The following FSHR variants were observed in gnomAD, a reference collection of about 807,000 sequenced individuals.
The protein encoded by FSHR is follicle-stimulating hormone receptor.
FSHR carries 46 observed loss-of-function variants against 52.1 expected under a neutral mutation model. That is an observed-to-expected ratio of 0.88 (90% CI 0.70 to 1.13). FSHR has a LOEUF of 1.13. Ranked by LOEUF, FSHR falls within the 50% of genes most tolerant of loss-of-function variation. The pLI is 0.00. For synonymous variants in FSHR, 399 were observed against 309.6 expected (o/e 1.29, Z -3.03); for missense variants, 964 against 834.6 (o/e 1.16, Z -1.91).
intron 2 of FSHR, among the ~76,000 whole-genome samples, chr2:49,043,656 TA>T: frequency 6.6e-6 from 1 of 152,222 alleles, no homozygotes; most frequent in African/African-American, 2.4e-5. Context: ...GGGTGGGGCA[TA>T]AAAAAACCAA....
intron 2 of FSHR, among the ~76,000 whole-genome samples, chr2:49,063,885 T>C (rs377125083): frequency 6.6e-6 from 1 of 152,192 alleles, no homozygotes; most frequent in Non-Finnish European, 1.5e-5. Context: ...TTAATTACCC[T>C]GATTTGATCA....
In FSHR at chr2:49,104,109, C is replaced by T. The variant is rs191681068; in HGVS notation, c.153-35819G>A. Among the ~76,000 whole-genome samples, 12 of 152,052 alleles carry T rather than the reference C, an allele frequency of 7.9e-5. No individual in the cohort carries two copies. In the East Asian group the frequency reaches 2.3e-3, roughly 29 times the overall value. On this transcript the variant is annotated intron_variant, in intron 1 of 9. Transcript: ENST00000406846. Reference sequence around the variant, plus strand: ...GAGTATAGGAAAGGTCATTATCTAGCAAACTCTTACCTGGAGGAAGATTAG... The same window carrying T: ...GAGTATAGGAAAGGTCATTATCTAGTAAACTCTTACCTGGAGGAAGATTAG...
intron 1 of FSHR, among the ~76,000 whole-genome samples, chr2:49,075,120 CT>C (rs1669899987): frequency 5.3e-5 from 8 of 152,022 alleles, no homozygotes; most frequent in Admixed American, 5.2e-4. Flanking sequence ...CTCTAGTGTT[CT>C]ATATCACTGT....
At chr2:49,136,351 GGAGA>G in intron 1 of FSHR, among the ~76,000 whole-genome samples, 2 of 152,154 alleles carry the variant, frequency 1.3e-5, no homozygotes, top group Middle Eastern at 6.8e-3. Context: ...TGTGTCAACT[GGAGA>G]GATTAGAATT....
At chr2:49,094,479 A>G (rs1440514051) in intron 1 of FSHR, among the ~76,000 whole-genome samples, 1 of 152,162 alleles carries the variant, frequency 6.6e-6, no homozygotes, top group African/African-American at 2.4e-5. Context: ...ATTTTTCTTC[A>G]GGATTTCCCA....
At chr2:49,060,572 C>A (rs964705557) in intron 2 of FSHR, among the ~76,000 whole-genome samples, 1 of 152,150 alleles carries the variant, frequency 6.6e-6, no homozygotes, top group Non-Finnish European at 1.5e-5. Context: ...CAGGCCTGAG[C>A]TGAAGTGGCA....
intron 2 of FSHR, among the ~76,000 whole-genome samples, chr2:49,059,922 C>T (rs1187786206): frequency 6.6e-6 from 1 of 152,108 alleles, no homozygotes; most frequent in South Asian, 2.1e-4. Flanking sequence ...GAAAAGACAA[C>T]CACAGAATGG....
intron 2 of FSHR, among the ~76,000 whole-genome samples, chr2:49,042,332 A>T (rs17038116): frequency 6.6e-6 from 1 of 152,030 alleles, no homozygotes; most frequent in Non-Finnish European, 1.5e-5. Flanking sequence ...ACCAAACCAG[A>T]CTAGATAACA....
intron 1 of FSHR, among the ~76,000 whole-genome samples, chr2:49,116,665 T>G (rs1263730329): frequency 6.6e-6 from 1 of 152,184 alleles, no homozygotes; most frequent in Non-Finnish European, 1.5e-5. Flanking sequence ...GCCAATAGCT[T>G]TTTATGTACC....
chr2:49,013,764 G>A (rs1481228659), intron 4 of FSHR, among the ~76,000 whole-genome samples: 1 of 151,666 alleles, frequency 6.6e-6, no homozygotes, highest in Non-Finnish European at 1.5e-5. Flanking sequence ...TAACTGCAAT[G>A]AATTGAACGT....
intron 4 of FSHR, among the ~76,000 whole-genome samples, chr2:49,006,907 C>T (rs1667093664): frequency 6.6e-6 from 1 of 152,136 alleles, no homozygotes; most frequent in Admixed American, 6.6e-5. Flanking sequence ...CCATCACCAC[C>T]TGACATTATC....
rs1238476600 is a variant in FSHR, at chr2:48,963,594, GA to G, written c.1226del (p.Leu409ProfsTer52). 1 of 1,614,198 alleles carries G rather than the reference GA, an allele frequency of 6.2e-7. No individual in the cohort carries two copies. The highest frequency in any genetic ancestry group is 1.7e-5 in the Admixed American group (1 of 60,028). ...TGAGCAGCAGGTAGATTCCAATGCA[GA>G]GATCAGCAAAGGCCAGGTTGCACAT... ...FLMCNLAFAD[L>X]CIGIYLLLIA... On this transcript the variant is annotated frameshift_variant, in exon 10 of 10. Transcript: ENST00000406846. LOFTEE classifies it high-confidence loss of function.
chr2:48,963,432 G>A lies in FSHR; in HGVS notation c.1389C>T (p.Ile463=). 1.2e-6 allele frequency: 2 copies of A among 1,614,164 alleles called. No homozygotes were observed. The highest frequency in any genetic ancestry group is 1.7e-6 in the Non-Finnish European group (2 of 1,180,014). ...TGATGGTATGCCATCTTTCCAAGGT[G>A]ATAGCTGTCAGAGTGTAGACTGACA... ...SELSVYTLTA[I]TLERWHTITH... is the part of the protein sequence containing the mutation. Residue 463 remains isoleucine, a synonymous_variant, in exon 10 of 10, where the codon ATC becomes ATT. Transcript: ENST00000406846.
chr2:49,000,770 A>T (rs1307024987), intron 4 of FSHR, among the ~76,000 whole-genome samples: 1 of 152,124 alleles, frequency 6.6e-6, no homozygotes, highest in African/African-American at 2.4e-5. Flanking sequence ...GACCATGTGG[A>T]AAGTTTCATA....
At chr2:48,995,223 C>T (rs903589120) in intron 4 of FSHR, among the ~76,000 whole-genome samples, 23 of 152,002 alleles carry the variant, frequency 1.5e-4, no homozygotes, top group African/African-American at 4.6e-4. Context: ...CACAGTGTGC[C>T]GGTTTCAGGG....
At chr2:49,135,093 G>A (rs1672438612) in intron 1 of FSHR, among the ~76,000 whole-genome samples, 1 of 152,054 alleles carries the variant, frequency 6.6e-6, no homozygotes, top group Middle Eastern at 3.2e-3. Flanking sequence ...AAAGACTTGA[G>A]CAATGTTATA....
intron 8 of FSHR, among the ~76,000 whole-genome samples, chr2:48,975,342 T>C (rs538358064): frequency 3.3e-5 from 5 of 152,086 alleles, no homozygotes; most frequent in Admixed American, 1.3e-4. Context: ...CTCAGAGTTA[T>C]ACCATCAATT....
intron 9 of FSHR, among the ~76,000 whole-genome samples, chr2:48,967,594 G>A (rs929295670): frequency 3.3e-5 from 5 of 152,192 alleles, no homozygotes; most frequent in African/African-American, 1.2e-4. Flanking sequence ...TCTATGAAGA[G>A]TGCCCATTCT....
At chr2:49,105,797 G>T (rs1016021733) in intron 1 of FSHR, among the ~76,000 whole-genome samples, 1 of 152,076 alleles carries the variant, frequency 6.6e-6, no homozygotes, top group African/African-American at 2.4e-5. Context: ...AGGTGCATCT[G>T]GATGTTTTGA....
Sources: allele counts gnomAD v4.1 joint callset (sites outside exome capture counted in the v4.1 genomes callset), GRCh38; gene constraint gnomAD v4.1.1; transcripts MANE v1.5; gene names NCBI Gene and HGNC (gene_info 2026-07-23, HGNC 2026-07-21).